NTM: variants seen among roughly 807,000 people sequenced by gnomAD.
NTM encodes the protein IgLON family member 2.
In NTM, 13 loss-of-function variants were observed where a neutral mutation model predicts 42.1. The observed-to-expected ratio is 0.31, with a 90% CI of 0.20 to 0.49. The LOEUF is 0.49. Ranked by LOEUF, NTM falls within the 20% of genes least tolerant of loss-of-function variation. The probability of loss-of-function intolerance (pLI) is 0.99; values close to 1 mark genes in which losing one functional copy is unlikely to be tolerated. For missense variants in NTM, 373 were observed against 452.8 expected, an observed-to-expected ratio of 0.82 and a Z score of 1.60; for synonymous variants, 187 against 179.2, an observed-to-expected ratio of 1.04 and a Z score of -0.35.
chr11:131,879,895 G>A (rs1487197666), intron 1 of NTM, among the ~76,000 whole-genome samples: 2 of 152,142 alleles, frequency 1.3e-5, no homozygotes, highest in African/African-American at 4.8e-5. Context: ...ATAATTATCT[G>A]TTATAAAAAG....
At chr11:131,911,756 G>T in intron 2 of NTM, 108 bp downstream of exon 2, 4 of 1,383,530 alleles carry the variant, frequency 2.9e-6, no homozygotes, top group Non-Finnish European at 4.0e-6. Context: ...CGGAGAGGTC[G>T]CTGGTTCCCT....
chr11:131,558,495 C>T (rs2055759656), intron 1 of NTM, among the ~76,000 whole-genome samples: 1 of 152,134 alleles, frequency 6.6e-6, no homozygotes, highest in Non-Finnish European at 1.5e-5. Flanking sequence ...GGTTCAACCA[C>T]CTCTGTTCTT....
chr11:131,444,203 CAAAAAA>C (rs71475757), intron 1 of NTM, among the ~76,000 whole-genome samples: 5 of 49,516 alleles, frequency 1.0e-4, no homozygotes, highest in Admixed American at 3.3e-4. Context: ...AGGTTAGAAC[CAAAAAA>C]AAAAAAAAAA....
chr11:131,477,397 A>G (rs552458084), intron 1 of NTM, among the ~76,000 whole-genome samples: 2 of 151,880 alleles, frequency 1.3e-5, no homozygotes, highest in South Asian at 2.1e-4. Flanking sequence ...CCACTTCTGC[A>G]TTTGGGTTGA....
intron 2 of NTM, among the ~76,000 whole-genome samples, chr11:132,057,263 C>A (rs60028021): frequency 6.7e-6 from 1 of 149,202 alleles, no homozygotes; most frequent in African/African-American, 2.5e-5. Flanking sequence ...CTAAAATATA[C>A]GGTGTATTTT....
chr11:132,068,827 C>G (rs918200424), intron 2 of NTM, among the ~76,000 whole-genome samples: 1 of 152,186 alleles, frequency 6.6e-6, no homozygotes, highest in African/African-American at 2.4e-5. Flanking sequence ...AAGCTGCTGT[C>G]CACAAGTGGG....
At chr11:131,398,257 A>G (rs1352662479) in intron 1 of NTM, among the ~76,000 whole-genome samples, 1 of 152,194 alleles carries the variant, frequency 6.6e-6, no homozygotes, top group Non-Finnish European at 1.5e-5. Flanking sequence ...TTTGGAAAAC[A>G]CTTAACCCAA....
chr11:131,696,411 C>T (rs1378296769), intron 1 of NTM, among the ~76,000 whole-genome samples: 2 of 152,178 alleles, frequency 1.3e-5, no homozygotes, highest in Admixed American at 6.5e-5. Context: ...TACTAGGCTC[C>T]AAAGAGGAAG....
chr11:132,060,866 G>T lies in NTM; in HGVS notation c.168-85416G>T, dbSNP rs201745657. On this transcript the variant is annotated intron_variant, in intron 2 of 8. Transcript: ENST00000683400. ...GGTGTTAGTGGTCATAACTGCAAAT[G>T]ATTGTGATTTTTATTGGTCTAGAAT... Among the ~76,000 whole-genome samples, 13 of 152,286 alleles carry T rather than the reference G, an allele frequency of 8.5e-5. No individual in the cohort carries two copies. The East Asian group carries it at 2.5e-3, about 29-fold the overall frequency.
At chr11:131,976,116 A>ATTCCTTCCTTCCTTCC (rs373955090) in intron 2 of NTM, among the ~76,000 whole-genome samples, 4,427 of 123,770 alleles carry the variant, frequency 0.036, 149 homozygotes, top group East Asian at 0.079. Flanking sequence ...TCCCTCCCTC[A>ATTCCTTCCTTCCTTCC]TTCCTTCCTT....
intron 1 of NTM, among the ~76,000 whole-genome samples, chr11:131,656,282 G>GA (rs1199575788): frequency 6.6e-6 from 1 of 152,234 alleles, no homozygotes; most frequent in African/African-American, 2.4e-5. Flanking sequence ...GGTGGCTGGA[G>GA]AAAAGATTTT....
chr11:132,035,181 GA>G (rs1289860266), intron 2 of NTM, among the ~76,000 whole-genome samples: 71 of 152,256 alleles, frequency 4.7e-4, no homozygotes, highest in African/African-American at 1.7e-3. Flanking sequence ...TAATCTATAA[GA>G]AGCTGTGTTT....
At chr11:131,703,446 G>A (rs1417262880) in intron 1 of NTM, among the ~76,000 whole-genome samples, 9 of 152,174 alleles carry the variant, frequency 5.9e-5, no homozygotes, top group African/African-American at 1.7e-4. Flanking sequence ...TACGCCCAAA[G>A]CAATGACATA....
At chr11:131,861,631 A>G (rs1401571627) in intron 1 of NTM, among the ~76,000 whole-genome samples, 1 of 152,254 alleles carries the variant, frequency 6.6e-6, no homozygotes, top group African/African-American at 2.4e-5. Context: ...AATTCACCCT[A>G]AAAATTTCAC....
At chr11:131,500,573 ATATATTTTTTTTTT>A (rs1450675532) in intron 1 of NTM, among the ~76,000 whole-genome samples, 6,564 of 39,726 alleles carry the variant, frequency 0.17, 341 homozygotes, top group African/African-American at 0.35. Context: ...ATATATATAT[ATATATTTTTTTTTT>A]TTTTTTTTGT....
chr11:132,227,306 A>G (rs2086513664), intron 4 of NTM, among the ~76,000 whole-genome samples: 1 of 152,216 alleles, frequency 6.6e-6, no homozygotes, highest in African/African-American at 2.4e-5. Flanking sequence ...ATTTGGCAAA[A>G]TGCACTTATA....
chr11:132,190,736 TAAAA>T (rs35431586), intron 3 of NTM, among the ~76,000 whole-genome samples: 2 of 132,726 alleles, frequency 1.5e-5, no homozygotes, highest in East Asian at 2.3e-4. Flanking sequence ...GAATCCATCT[TAAAA>T]AAAAAAAAAA....
intron 1 of NTM, among the ~76,000 whole-genome samples, chr11:131,817,414 CT>C (rs537593600): frequency 8.6e-5 from 13 of 151,500 alleles, no homozygotes; most frequent in East Asian, 3.9e-4. Context: ...ATAGTACTGA[CT>C]TTTTTTTTAA....
At chr11:131,474,301 C>A (rs1253404846) in intron 1 of NTM, among the ~76,000 whole-genome samples, 1 of 152,158 alleles carries the variant, frequency 6.6e-6, no homozygotes, top group Non-Finnish European at 1.5e-5. Context: ...GTGGCCCATT[C>A]CCCTTTCCCA....
Sources: allele counts gnomAD v4.1 joint callset (sites outside exome capture counted in the v4.1 genomes callset), GRCh38; gene constraint gnomAD v4.1.1; transcripts MANE v1.5; gene names NCBI Gene and HGNC (gene_info 2026-07-23, HGNC 2026-07-21).